The following PDE4DIP variants were observed in gnomAD, a reference collection of about 807,000 sequenced individuals.
PDE4DIP encodes the protein phosphodiesterase 4D interacting protein, also known as myomegalin.
In PDE4DIP, 59 loss-of-function variants were observed where a neutral mutation model predicts 221.4. The observed-to-expected ratio is 0.27, with a 90% CI of 0.22 to 0.33. The LOEUF is 0.33. PDE4DIP is among the 10% of genes least tolerant of loss of function. The probability of loss-of-function intolerance (pLI) is 1.00; values close to 1 mark genes in which losing one functional copy is unlikely to be tolerated. For synonymous variants in PDE4DIP, 404 were observed against 815.9 expected (o/e 0.50, Z 8.60); for missense variants, 1,036 against 2,154.2 (o/e 0.48, Z 10.28).
chr1:148,946,099 C>T (rs1284879026), intron 5 of PDE4DIP, among the ~76,000 whole-genome samples: 83 of 152,324 alleles, frequency 5.4e-4, no homozygotes, highest in African/African-American at 1.6e-3. Flanking sequence ...TCTCTCCTCT[C>T]TTCCCCAATG....
intron 1 of PDE4DIP, among the ~76,000 whole-genome samples, chr1:148,912,296 T>C (rs1226139449): frequency 6.8e-6 from 1 of 146,844 alleles, no homozygotes; most frequent in Non-Finnish European, 1.5e-5. Flanking sequence ...GCAGTTTGCA[T>C]TGCCACTTGC....
chr1:148,949,466 T>C (rs2052605106), intron 5 of PDE4DIP, among the ~76,000 whole-genome samples: 1 of 151,030 alleles, frequency 6.6e-6, no homozygotes, highest in Admixed American at 6.6e-5. Flanking sequence ...AACTATAAAA[T>C]GTTTTCTAAA....
At chr1:148,992,081 T>C in intron 22 of PDE4DIP, 108 bp downstream of exon 25, 1 of 862,724 alleles carries the variant, frequency 1.2e-6, no homozygotes, top group Non-Finnish European at 1.9e-6. Flanking sequence ...GATATCTTTT[T>C]ACATAAACTA....
intron 21 of PDE4DIP, chr1:148,982,964 A>C (rs1472510767): frequency 1.3e-5 from 2 of 152,138 alleles, no homozygotes; most frequent in Non-Finnish European, 2.9e-5. Flanking sequence ...GCACTCTGGA[A>C]TCTTCTGATT....
chr1:149,001,807 C>T, exon 24 of PDE4DIP: 1 of 1,471,338 alleles, frequency 6.8e-7, no homozygotes, highest in East Asian at 2.3e-5. Flanking sequence ...TCATCAACCT[C>T]CTCAAAGAAC....
intron 21 of PDE4DIP, chr1:148,991,624 A>C (rs1179588810): frequency 4.4e-6 from 4 of 911,254 alleles, no homozygotes; most frequent in Non-Finnish European, 5.2e-6. Flanking sequence ...TGCATCCGAC[A>C]GTCGGCTCCT....
chr1:148,949,671 GTTTT>G (rs1192718111), intron 5 of PDE4DIP, among the ~76,000 whole-genome samples: 2 of 152,110 alleles, frequency 1.3e-5, no homozygotes, highest in Non-Finnish European at 2.9e-5. Flanking sequence ...CATAATTTTT[GTTTT>G]ATTTTTAAAT....
chr1:148,965,414 T>C, intron 9 of PDE4DIP, 70 bp from the exon 13 acceptor site: 2 of 861,016 alleles, frequency 2.3e-6, no homozygotes, highest in Non-Finnish European at 3.7e-6. Flanking sequence ...TTGAAAATTT[T>C]AAGGCCTCTG....
rs1559409943 is a variant in PDE4DIP at position 149,024,434 on chromosome 1, T to C, written c.6086-11T>C. 6.4e-7 allele frequency: 1 copy of C among 1,567,938 alleles called. No homozygotes were observed. The highest frequency in any genetic ancestry group is 8.7e-7 in the Non-Finnish European group (1 of 1,154,218). ...ACTTGGGTCAATGTTACCAGACTCC[T>C]TCTCTCTCAGCTTACAGCCTGGATG... On this transcript the variant is annotated splice_polypyrimidine_tract_variant and intron_variant, in intron 37 of 43. Coordinates refer to ENST00000369354, the Ensembl canonical transcript of PDE4DIP.
intron 1 of PDE4DIP, among the ~76,000 whole-genome samples, chr1:148,823,536 C>G (rs1334706711): frequency 6.6e-6 from 1 of 150,504 alleles, no homozygotes; most frequent in Non-Finnish European, 1.5e-5. Flanking sequence ...ACACTCACAT[C>G]TAACCCTACA....
intron 23 of PDE4DIP, among the ~76,000 whole-genome samples, chr1:148,998,936 CG>C (rs1187260614): frequency 1.6e-5 from 2 of 125,616 alleles, no homozygotes; most frequent in Non-Finnish European, 3.3e-5. Flanking sequence ...TTAGTAGAGA[CG>C]GGGTTTCACC....
At chr1:149,016,169 A>G (rs1341170452) in intron 32 of PDE4DIP, 130 bp from the exon 36 acceptor site, 1 of 584,224 alleles carries the variant, frequency 1.7e-6, no homozygotes, top group African/African-American at 1.9e-5. Context: ...TAGTATACCA[A>G]AGTGAACTGG....
At chr1:148,843,996 G>C (rs1454148941) in intron 1 of PDE4DIP, among the ~76,000 whole-genome samples, 2 of 22,646 alleles carry the variant, frequency 8.8e-5, no homozygotes, top group Non-Finnish European at 2.4e-4. Flanking sequence ...GATTAATGGT[G>C]AAACTGGCAT....
At chr1:148,967,275 C>T (rs868959064) in intron 12 of PDE4DIP, among the ~76,000 whole-genome samples, 16 of 152,120 alleles carry the variant, frequency 1.1e-4, no homozygotes, top group Admixed American at 3.9e-4. Flanking sequence ...CATACACACA[C>T]GCTCTTCTCT....
chr1:148,992,099 G>C, intron 22 of PDE4DIP, 126 bp downstream of exon 25: 1 of 988,072 alleles, frequency 1.0e-6, no homozygotes, highest in Admixed American at 1.9e-5. Flanking sequence ...CTACTTCTCA[G>C]TCATCTTCCT....
rs1553120070 is a variant in PDE4DIP, at chr1:149,023,772, A to G, written c.6086-673A>G. ...TGTGCACATATATATGTACATGTAT[A>G]TGTGTGTACATATATATGTACATGT... is the stretch of plus-strand genomic sequence containing the variant. On this transcript the variant is annotated intron_variant, in intron 37 of 43. Coordinates refer to ENST00000369354, the Ensembl canonical transcript of PDE4DIP. Among the ~76,000 whole-genome samples, 11 of 95,378 alleles carry G rather than the reference A, an allele frequency of 1.2e-4. 1 individual carries two copies. The East Asian group carries it at 1.6e-3, about 14-fold the overall frequency. 62.6% of individuals were successfully genotyped at this position (95,378 alleles called of 152,430 possible).
intron 5 of PDE4DIP, among the ~76,000 whole-genome samples, chr1:148,951,646 G>C (rs1385803886): frequency 2.0e-5 from 3 of 151,644 alleles, no homozygotes; most frequent in Admixed American, 6.6e-5. Flanking sequence ...ATCTACTCGC[G>C]GCTGGCTGCA....
rs118005244 is a variant in PDE4DIP, at chr1:148,951,894, G to A, written c.637-8760G>A. ...AAGGGTTGCACGGCCCCGCCCCTCC[G>A]TTACCAAGCCTTCCCTCGCCTGCCT... is the stretch of plus-strand genomic sequence containing the variant. On this transcript the variant is annotated intron_variant, in intron 5 of 43. Coordinates refer to ENST00000369354, the Ensembl canonical transcript of PDE4DIP. 1,148 of 303,166 alleles carry A rather than the reference G, an allele frequency of 3.8e-3. 2 individuals carry two copies. In the East Asian group the frequency reaches 0.058, roughly 15 times the overall value. 18.8% of individuals were successfully genotyped at this position (303,166 alleles called of 1,614,324 possible). A position where few individuals can be genotyped will look rare whatever the true frequency, so the allele number is the denominator to read the frequency against.
At chr1:148,964,095 TTTTC>T (rs1394366990) in intron 9 of PDE4DIP, among the ~76,000 whole-genome samples, 8 of 146,264 alleles carry the variant, frequency 5.5e-5, no homozygotes, top group African/African-American at 1.8e-4. Context: ...CTTTCTTTTC[TTTTC>T]TTTCTTTCTT....
Sources: gnomAD v4.1 joint callset for allele counts (sites outside exome capture counted in the v4.1 genomes callset) on GRCh38, gnomAD v4.1.1 for gene constraint, MANE v1.5 for transcripts, NCBI Gene and HGNC (gene_info 2026-07-23, HGNC 2026-07-21) for gene names.